The following MIR2052HG variants were observed in gnomAD, a reference collection of about 807,000 sequenced individuals.
MIR2052HG encodes the protein MIR2052 host gene.
At position 74,638,560 on chromosome 8, in the gene MIR2052HG, A is replaced by G. The variant is rs940728496; in HGVS notation, n.216+25620A>G. Among the ~76,000 whole-genome samples, 5 of 152,180 alleles carry G rather than the reference A, an allele frequency of 3.3e-5. No individual in the cohort carries two copies. In the East Asian group the frequency reaches 9.6e-4, roughly 29 times the overall value. The stretch of plus-strand genomic sequence containing the variant: ...AGTGGTGGCAGTAGAAATGGAGAGT[A>G]GATAATTTCACATAGGAGGATTTTG... On this transcript the variant is annotated intron_variant and non_coding_transcript_variant, in intron 2 of 6. Transcript: ENST00000523442.
intron 2 of MIR2052HG, among the ~76,000 whole-genome samples, chr8:74,701,700 C>T (rs996096461): frequency 4.6e-5 from 7 of 152,096 alleles, no homozygotes; most frequent in African/African-American, 1.4e-4. Flanking sequence ...TAATAGTCTA[C>T]TAAATAATTT....
chr8:74,694,405 T>A (rs1299168192), intron 2 of MIR2052HG, among the ~76,000 whole-genome samples: 3 of 152,102 alleles, frequency 2.0e-5, no homozygotes, highest in African/African-American at 4.8e-5. Context: ...TCTACCCAAG[T>A]GAGAAGGAAC....
At chr8:74,647,918 T>C (rs573300071) in intron 2 of MIR2052HG, among the ~76,000 whole-genome samples, 92 of 152,354 alleles carry the variant, frequency 6.0e-4, no homozygotes, top group African/African-American at 2.2e-3. Flanking sequence ...CTCTTAATCC[T>C]GTTATCTTTG....
At chr8:74,623,042 G>A (rs1808385590) in intron 2 of MIR2052HG, among the ~76,000 whole-genome samples, 1 of 152,126 alleles carries the variant, frequency 6.6e-6, no homozygotes, top group Non-Finnish European at 1.5e-5. Flanking sequence ...ATTTCAGTAA[G>A]ACAGGAAGAA....
chr8:74,664,591 C>T (rs1808901450), intron 2 of MIR2052HG, among the ~76,000 whole-genome samples: 1 of 152,116 alleles, frequency 6.6e-6, no homozygotes, highest in Non-Finnish European at 1.5e-5. Context: ...AATCTCGGCT[C>T]ACTGCAACCT....
At chr8:74,720,816 G>A (rs144167952) in intron 4 of MIR2052HG, among the ~76,000 whole-genome samples, 180 of 152,100 alleles carry the variant, frequency 1.2e-3, no homozygotes, top group Non-Finnish European at 2.2e-3. Context: ...CCATCATGGC[G>A]GAAAGCAAGG....
intron 2 of MIR2052HG, among the ~76,000 whole-genome samples, chr8:74,694,458 A>G (rs1809275294): frequency 1.3e-5 from 2 of 152,188 alleles, no homozygotes; most frequent in Admixed American, 6.5e-5. Flanking sequence ...AGGTTCTTTA[A>G]CATCCCTGAA....
At chr8:74,669,034 T>C (rs1328237754) in intron 2 of MIR2052HG, among the ~76,000 whole-genome samples, 3 of 152,196 alleles carry the variant, frequency 2.0e-5, no homozygotes, top group African/African-American at 7.2e-5. Flanking sequence ...CTAGCTACAA[T>C]CTTACATCCA....
At chr8:74,665,055 C>A (rs1808907277) in intron 2 of MIR2052HG, among the ~76,000 whole-genome samples, 1 of 152,192 alleles carries the variant, frequency 6.6e-6, no homozygotes, top group African/African-American at 2.4e-5. Flanking sequence ...TCTGTTACAA[C>A]TTTCTTTTTC....
Position 74,616,545 on chromosome 8 carries a change from C to T in MIR2052HG, n.216+3605C>T, listed in dbSNP as rs73337234. On this transcript the variant is annotated intron_variant and non_coding_transcript_variant, in intron 2 of 6. Coordinates refer to ENST00000523442, the Ensembl canonical transcript of MIR2052HG. Reference sequence around the variant, plus strand: ...TATTACTGTCCCTATACTCTGAGGACGTTATGTTTATATAATTGCAGTATT... The same window carrying T: ...TATTACTGTCCCTATACTCTGAGGATGTTATGTTTATATAATTGCAGTATT... Among the ~76,000 whole-genome samples the T allele has an allele frequency of 1.7e-4, 26 of 151,650 alleles. No individual in the cohort carries two copies. The East Asian group carries it at 4.1e-3, about 24-fold the overall frequency.
At chr8:74,627,929 T>C (rs1586895999) in intron 2 of MIR2052HG, among the ~76,000 whole-genome samples, 2 of 152,326 alleles carry the variant, frequency 1.3e-5, no homozygotes, top group Middle Eastern at 6.8e-3. Context: ...TCAAGCTTAG[T>C]AGCCATGTAG....
chr8:74,651,361 A>G (rs2128736155), intron 2 of MIR2052HG, among the ~76,000 whole-genome samples: 2 of 152,246 alleles, frequency 1.3e-5, no homozygotes, highest in South Asian at 4.1e-4. Context: ...TGTGTTTGAC[A>G]GGTAATGGTT....
intron 2 of MIR2052HG, among the ~76,000 whole-genome samples, chr8:74,614,440 T>A (rs1373289661): frequency 6.6e-6 from 1 of 152,200 alleles, no homozygotes; most frequent in Non-Finnish European, 1.5e-5. Flanking sequence ...CTATTTGATC[T>A]ATATTGGTGC....
intron 2 of MIR2052HG, among the ~76,000 whole-genome samples, chr8:74,679,252 C>T (rs1809091637): frequency 6.6e-6 from 1 of 152,060 alleles, no homozygotes; most frequent in Non-Finnish European, 1.5e-5. Flanking sequence ...TCTATCCTAC[C>T]TTTCCCCTTG....
chr8:74,744,812 G>A (rs1461429758), intron 4 of MIR2052HG, among the ~76,000 whole-genome samples: 1 of 152,100 alleles, frequency 6.6e-6, no homozygotes, highest in African/African-American at 2.4e-5. Flanking sequence ...ATAAAACAAT[G>A]GGGCCAGGAA....
chr8:74,705,329 A>G (rs987224305), intron 4 of MIR2052HG, among the ~76,000 whole-genome samples: 3 of 152,018 alleles, frequency 2.0e-5, no homozygotes, highest in African/African-American at 4.8e-5. Flanking sequence ...ACGTTCTTCC[A>G]TATGTTTCAG....
chr8:74,727,586 A>G (rs1044888727), intron 4 of MIR2052HG, among the ~76,000 whole-genome samples: 1 of 152,196 alleles, frequency 6.6e-6, no homozygotes, highest in Admixed American at 6.5e-5. Flanking sequence ...CTGGTTTGAG[A>G]ACCACCATCA....
intron 1 of MIR2052HG, among the ~76,000 whole-genome samples, chr8:74,604,545 G>C (rs1422361038): frequency 2.1e-5 from 3 of 142,798 alleles, no homozygotes; most frequent in African/African-American, 7.9e-5. Context: ...TGCAGACTGC[G>C]GCTGCTCAAG....
intron 4 of MIR2052HG, among the ~76,000 whole-genome samples, chr8:74,737,104 C>A (rs771300199): frequency 2.0e-5 from 3 of 152,166 alleles, no homozygotes; most frequent in Admixed American, 1.3e-4. Flanking sequence ...GGACTAATTG[C>A]GGGTGGAATC....
Sources: gnomAD v4.1 joint callset for allele counts (sites outside exome capture counted in the v4.1 genomes callset) on GRCh38, gnomAD v4.1.1 for gene constraint, MANE v1.5 for transcripts, NCBI Gene and HGNC (gene_info 2026-07-23, HGNC 2026-07-21) for gene names.